The following ADCY8 variants were observed in gnomAD, a reference collection of about 807,000 sequenced individuals.
ADCY8 encodes adenylate cyclase 8.
Under a neutral mutation model 119.7 loss-of-function variants are expected in ADCY8, and 51 were observed. That is an observed-to-expected ratio of 0.43 (90% CI 0.34 to 0.54). The LOEUF (loss-of-function observed/expected upper bound fraction) is 0.54, where lower values mean the gene tolerates loss of function less well. Ranked by LOEUF, ADCY8 falls within the 20% of genes least tolerant of loss-of-function variation. The pLI, the probability that ADCY8 is intolerant of heterozygous loss-of-function variation, is 0.03. For synonymous variants in ADCY8, 665 were observed against 651.0 expected (o/e 1.02, Z -0.33); for missense variants, 1,383 against 1,598.8 (o/e 0.87, Z 2.30).
In ADCY8 at chr8:130,967,207, G is replaced by A. The variant is rs377718472; in HGVS notation, c.1111-15209C>T. 2.0e-5 allele frequency among the ~76,000 whole-genome samples: 3 copies of A among 152,168 alleles called. No homozygotes were observed. In the South Asian group the frequency reaches 6.2e-4, roughly 31 times the overall value. ...GCATTGCAGAAGCTGTTGCTTAATT[G>A]GCTCCTGAAGTCATATTCTGTAGGT... On this transcript the variant is annotated intron_variant, in intron 2 of 17. Transcript: ENST00000286355.
rs774863326 is a variant in ADCY8 at position 130,836,471 on chromosome 8, G to A, written c.2503-22C>T. 11 of 1,608,826 alleles carry A rather than the reference G, an allele frequency of 6.8e-6. No individual in the cohort carries two copies. The African/African-American group carries it at 1.3e-4, about 20-fold the overall frequency. On this transcript the variant is annotated intron_variant, in intron 11 of 17. Coordinates refer to ENST00000286355, the MANE Select transcript of ADCY8 (RefSeq NM_001115.3). ...AGTACTGGAAACAGAGAATGCAGGTGGTCAGATTCAATGGGGGCAGCAGTT... is the reference window on the plus strand; with the variant it reads ...AGTACTGGAAACAGAGAATGCAGGTAGTCAGATTCAATGGGGGCAGCAGTT...
chr8:130,818,883 C>T (rs1190625484), intron 13 of ADCY8, among the ~76,000 whole-genome samples: 3 of 152,240 alleles, frequency 2.0e-5, no homozygotes, highest in Non-Finnish European at 4.4e-5. Flanking sequence ...GCGTTTCTTA[C>T]AGGCTTTGTG....
chr8:130,903,223 C>G (rs956574694), intron 7 of ADCY8, among the ~76,000 whole-genome samples: 1 of 152,194 alleles, frequency 6.6e-6, no homozygotes, highest in African/African-American at 2.4e-5. Context: ...CAAATCCATG[C>G]TATATAAAAA....
chr8:130,895,344 A>G (rs1819350609), intron 7 of ADCY8, among the ~76,000 whole-genome samples: 1 of 152,132 alleles, frequency 6.6e-6, no homozygotes, highest in South Asian at 2.1e-4. Context: ...CCGTGGCTGC[A>G]TGATGTATGC....
At chr8:130,886,711 A>G (rs1818998459) in intron 7 of ADCY8, among the ~76,000 whole-genome samples, 1 of 152,076 alleles carries the variant, frequency 6.6e-6, no homozygotes, top group Admixed American at 6.5e-5. Flanking sequence ...TGGAGAGGAA[A>G]TCTGCTACAA....
At chr8:130,972,019 T>A (rs115560059) in intron 2 of ADCY8, among the ~76,000 whole-genome samples, 2 of 152,190 alleles carry the variant, frequency 1.3e-5, no homozygotes, top group Non-Finnish European at 2.9e-5. Flanking sequence ...TGAATTTTCA[T>A]AAAGTAAAAC....
intron 14 of ADCY8, among the ~76,000 whole-genome samples, chr8:130,804,506 G>A (rs1374816801): frequency 2.0e-5 from 3 of 152,094 alleles, no homozygotes; most frequent in Admixed American, 1.3e-4. Flanking sequence ...ATAAATTTTC[G>A]GGAGACATAA....
chr8:130,904,923 G>T (rs1250884959), intron 6 of ADCY8, among the ~76,000 whole-genome samples: 1 of 152,174 alleles, frequency 6.6e-6, no homozygotes. Flanking sequence ...GGGTAGACTA[G>T]CAAGGTAAGG....
At chr8:130,918,410 C>T (rs1466987493) in intron 5 of ADCY8, among the ~76,000 whole-genome samples, 1 of 152,110 alleles carries the variant, frequency 6.6e-6, no homozygotes. Flanking sequence ...TCTCCAGATA[C>T]TGTTATATTT....
intron 5 of ADCY8, among the ~76,000 whole-genome samples, chr8:130,912,163 C>T (rs968844790): frequency 7.2e-5 from 11 of 152,142 alleles, no homozygotes; most frequent in Non-Finnish European, 4.4e-5. Flanking sequence ...TGACTATGTA[C>T]CCTTCCCTGT....
chr8:130,894,446 T>C lies in ADCY8; in HGVS notation c.1911+9326A>G, dbSNP rs1409802359. On this transcript the variant is annotated intron_variant, in intron 7 of 17. Coordinates refer to ENST00000286355, the MANE Select transcript of ADCY8 (RefSeq NM_001115.3). ...CCCCAGACATGAAGTCCAGAGTGGGTGATACTTCATACAATGTATCCAAAG... is the reference window on the plus strand; with the variant it reads ...CCCCAGACATGAAGTCCAGAGTGGGCGATACTTCATACAATGTATCCAAAG... Among the ~76,000 whole-genome samples, 3 of 152,112 alleles carry C rather than the reference T, an allele frequency of 2.0e-5. No individual in the cohort carries two copies. In the East Asian group the frequency reaches 5.8e-4, roughly 29 times the overall value.
intron 2 of ADCY8, among the ~76,000 whole-genome samples, chr8:130,969,257 A>G (rs1387436729): frequency 6.6e-6 from 1 of 152,226 alleles, no homozygotes; most frequent in African/African-American, 2.4e-5. Flanking sequence ...CCAAGCAGAA[A>G]GGAATTCTGC....
intron 5 of ADCY8, among the ~76,000 whole-genome samples, chr8:130,935,171 C>T (rs919726135): frequency 6.6e-6 from 1 of 152,164 alleles, no homozygotes; most frequent in Non-Finnish European, 1.5e-5. Context: ...TTCCTAGTCT[C>T]TTTGCCCTGT....
chr8:131,010,949 C>T (rs539377670), intron 1 of ADCY8, among the ~76,000 whole-genome samples: 1 of 152,300 alleles, frequency 6.6e-6, no homozygotes, highest in South Asian at 2.1e-4. Flanking sequence ...GTTTTAAAAC[C>T]TAACCCCAGT....
chr8:130,823,889 C>T (rs1816593870), intron 12 of ADCY8, among the ~76,000 whole-genome samples: 1 of 152,232 alleles, frequency 6.6e-6, no homozygotes, highest in Middle Eastern at 3.4e-3. Flanking sequence ...TCGTAAGCTA[C>T]TTCAGACTTA....
chr8:130,790,467 G>A (rs1053098152), intron 15 of ADCY8, among the ~76,000 whole-genome samples: 3 of 152,104 alleles, frequency 2.0e-5, no homozygotes, highest in African/African-American at 7.2e-5. Context: ...GTCAAAGTTC[G>A]CTCCGTGCCT....
chr8:130,929,701 T>C (rs1426461566), intron 5 of ADCY8, among the ~76,000 whole-genome samples: 1 of 152,182 alleles, frequency 6.6e-6, no homozygotes, highest in African/African-American at 2.4e-5. Context: ...ATTTCCTATG[T>C]GGATAATCTG....
chr8:130,880,962 GATAT>G (rs1159738205), intron 8 of ADCY8, among the ~76,000 whole-genome samples: 1 of 152,194 alleles, frequency 6.6e-6, no homozygotes, highest in Non-Finnish European at 1.5e-5. Context: ...GAGAAGGAAA[GATAT>G]GTTCGCTAAG....
chr8:130,878,146 C>T (rs781015269), intron 8 of ADCY8, among the ~76,000 whole-genome samples: 10 of 152,162 alleles, frequency 6.6e-5, no homozygotes, highest in Non-Finnish European at 1.2e-4. Flanking sequence ...TTTGTATCAC[C>T]CAACCGGTAA....
Sources: allele counts gnomAD v4.1 joint callset (sites outside exome capture counted in the v4.1 genomes callset), GRCh38; gene constraint gnomAD v4.1.1; transcripts MANE v1.5; gene names NCBI Gene and HGNC (gene_info 2026-07-23, HGNC 2026-07-21).